The following CLSTN2 variants were observed in gnomAD, a reference collection of about 807,000 sequenced individuals.
CLSTN2 encodes calsyntenin 2, also known as calsyntenin-2.
Under a neutral mutation model 101.2 loss-of-function variants are expected in CLSTN2, and 48 were observed. The ratio of observed to expected loss-of-function variants is 0.47; its 90% CI spans 0.38 to 0.60. The LOEUF (loss-of-function observed/expected upper bound fraction) is 0.60. CLSTN2 is among the 20% of genes least tolerant of loss of function. The pLI is 0.00. For missense variants in CLSTN2, 1,160 were observed against 1,238.2 expected (o/e 0.94, Z 0.95); for synonymous variants, 481 against 463.6 (o/e 1.04, Z -0.48).
intron 1 of CLSTN2, among the ~76,000 whole-genome samples, chr3:140,042,047 T>A (rs1006149428): frequency 7.9e-5 from 12 of 152,224 alleles, no homozygotes; most frequent in African/African-American, 2.9e-4. Flanking sequence ...AATTCACCTA[T>A]TTAAAGAGCA....
At chr3:140,275,798 A>T (rs927432371) in intron 2 of CLSTN2, among the ~76,000 whole-genome samples, 1 of 152,182 alleles carries the variant, frequency 6.6e-6, no homozygotes, top group Non-Finnish European at 1.5e-5. Context: ...TACACAAGCC[A>T]TGGAGAGTAA....
intron 8 of CLSTN2, among the ~76,000 whole-genome samples, chr3:140,490,113 TATATACACACACACAC>T (rs1559884950): frequency 0.026 from 206 of 8,064 alleles, 64 homozygotes; most frequent in African/African-American, 0.1. Flanking sequence ...TATATATATA[TATATACACACACACAC>T]ACACACACAC....
At position 140,098,233 on chromosome 3, in the gene CLSTN2, G is replaced by A. The variant is rs564639633; in HGVS notation, c.110-77718G>A. 2.6e-3 allele frequency among the ~76,000 whole-genome samples: 397 copies of A among 152,258 alleles called. 2 individuals carry two copies. Among genetic ancestry groups the A allele is most frequent in the Non-Finnish European group, 4.6e-3 (310 of 68,032 alleles). ...ACTCAGGTGGATACTTCTACAACCT[G>A]GTAGACACCTATTTCTGCAAATTCC... On this transcript the variant is annotated intron_variant, in intron 1 of 16. Transcript: ENST00000458420.
At chr3:140,381,897 C>A (rs112188680) in intron 2 of CLSTN2, among the ~76,000 whole-genome samples, 165 of 152,292 alleles carry the variant, frequency 1.1e-3, no homozygotes, top group African/African-American at 3.5e-3. Context: ...AAGAATAAAT[C>A]TGGGGTCAGA....
chr3:140,135,898 G>T (rs945371584), intron 1 of CLSTN2, among the ~76,000 whole-genome samples: 2 of 152,166 alleles, frequency 1.3e-5, no homozygotes, highest in African/African-American at 4.8e-5. Context: ...TGTCTCGAGA[G>T]CATTGGTGAA....
chr3:140,527,277 G>T (rs776476488), intron 8 of CLSTN2, among the ~76,000 whole-genome samples: 10 of 152,050 alleles, frequency 6.6e-5, no homozygotes, highest in Non-Finnish European at 1.3e-4. Flanking sequence ...GATATGAACA[G>T]ATTCTTCTCA....
chr3:140,410,938 C>CA (rs2088356913), intron 4 of CLSTN2, among the ~76,000 whole-genome samples: 1 of 151,270 alleles, frequency 6.6e-6, no homozygotes, highest in Admixed American at 6.6e-5. Context: ...AGTAGATACA[C>CA]AAAAAAATAA....
At chr3:140,190,384 A>G (rs747690651) in intron 2 of CLSTN2, among the ~76,000 whole-genome samples, 2 of 137,600 alleles carry the variant, frequency 1.5e-5, no homozygotes, top group Non-Finnish European at 3.0e-5. Flanking sequence ...TGTTTTAACT[A>G]TTCTATTTCC....
intron 1 of CLSTN2, among the ~76,000 whole-genome samples, chr3:140,035,669 G>A (rs1433497327): frequency 6.6e-6 from 1 of 152,162 alleles, no homozygotes; most frequent in East Asian, 1.9e-4. Context: ...CCCCAGAATG[G>A]TACTTGATTC....
At chr3:139,969,642 CGTGA>C (rs1935660734) in intron 1 of CLSTN2, among the ~76,000 whole-genome samples, 1 of 152,188 alleles carries the variant, frequency 6.6e-6, no homozygotes, top group South Asian at 2.1e-4. Context: ...AACCCAACTG[CGTGA>C]GTGTCTTCAC....
chr3:140,308,799 G>A (rs2087137672), intron 2 of CLSTN2, among the ~76,000 whole-genome samples: 1 of 152,194 alleles, frequency 6.6e-6, no homozygotes, highest in South Asian at 2.1e-4. Flanking sequence ...AGTATTCTGA[G>A]AAAACTGCCA....
At position 140,571,240 on chromosome 3, in the gene CLSTN2, T is replaced by G. The variant is rs1186045603; in HGVS notation, c.*4987T>G. ...TTGCTCTAAAAATGATCCTAAAGAC[T>G]TGTGACTGTTTGAATCAATAGCAAC... is the stretch of plus-strand genomic sequence containing the variant. On this transcript the variant is annotated 3_prime_UTR_variant, in exon 17 of 17. Coordinates refer to ENST00000458420, the MANE Select transcript of CLSTN2 (RefSeq NM_022131.3). The G allele has an allele frequency of 1.3e-5, 2 of 152,204 alleles. No homozygotes were observed. The highest frequency in any genetic ancestry group is 2.9e-5 in the Non-Finnish European group (2 of 68,038). 9.4% of individuals were successfully genotyped at this position (152,204 alleles called of 1,614,324 possible). A position where few individuals can be genotyped will look rare whatever the true frequency, so the allele number is the denominator to read the frequency against.
At chr3:140,017,673 T>C (rs1363596021) in intron 1 of CLSTN2, among the ~76,000 whole-genome samples, 1 of 152,108 alleles carries the variant, frequency 6.6e-6, no homozygotes, top group Non-Finnish European at 1.5e-5. Context: ...ATGGTTGGGG[T>C]GGAGTGACTC....
At chr3:140,082,577 C>G (rs1298708643) in intron 1 of CLSTN2, among the ~76,000 whole-genome samples, 1 of 152,180 alleles carries the variant, frequency 6.6e-6, no homozygotes, top group African/African-American at 2.4e-5. Flanking sequence ...TGACTACAGT[C>G]TAATGCTCCC....
intron 1 of CLSTN2, among the ~76,000 whole-genome samples, chr3:139,947,827 A>C (rs1436916802): frequency 1.3e-5 from 2 of 149,794 alleles, no homozygotes; most frequent in Admixed American, 6.9e-5. Flanking sequence ...GTCATAAATA[A>C]AGCATTTTTA....
intron 1 of CLSTN2, among the ~76,000 whole-genome samples, chr3:140,049,710 C>T (rs1021268591): frequency 5.3e-5 from 8 of 152,232 alleles, no homozygotes; most frequent in Admixed American, 3.3e-4. Flanking sequence ...ATGAACTTAA[C>T]AGGGTCATGG....
chr3:140,151,984 C>A (rs2009874707), intron 1 of CLSTN2, among the ~76,000 whole-genome samples: 1 of 152,094 alleles, frequency 6.6e-6, no homozygotes, highest in African/African-American at 2.4e-5. Flanking sequence ...GCTTCTCCGC[C>A]CACTCAGATT....
At chr3:140,127,506 C>T (rs958269516) in intron 1 of CLSTN2, among the ~76,000 whole-genome samples, 2 of 152,046 alleles carry the variant, frequency 1.3e-5, no homozygotes, top group African/African-American at 2.4e-5. Flanking sequence ...AACCAACTGA[C>T]GACAGGGGCG....
intron 12 of CLSTN2, among the ~76,000 whole-genome samples, chr3:140,559,734 T>C (rs1282096263): frequency 2.0e-5 from 3 of 152,196 alleles, no homozygotes; most frequent in Non-Finnish European, 4.4e-5. Context: ...AAGCCACTGC[T>C]AATGATGTGC....
Sources: allele counts gnomAD v4.1 joint callset (sites outside exome capture counted in the v4.1 genomes callset), GRCh38; gene constraint gnomAD v4.1.1; transcripts MANE v1.5; gene names NCBI Gene and HGNC (gene_info 2026-07-23, HGNC 2026-07-21).